The following MCF2L2 variants were observed in gnomAD, a reference collection of about 807,000 sequenced individuals.
MCF2L2 encodes the protein probable guanine nucleotide exchange factor MCF2L2.
MCF2L2 carries 102 observed loss-of-function variants against 150.2 expected under a neutral mutation model. The observed-to-expected ratio is 0.68, with a 90% CI of 0.58 to 0.80. MCF2L2 has a LOEUF of 0.80. MCF2L2 is among the 30% of genes least tolerant of loss of function. The pLI, the probability that MCF2L2 is intolerant of heterozygous loss-of-function variation, is 0.00. For missense variants in MCF2L2, 1,256 were observed against 1,372.8 expected (o/e 0.91, Z 1.34); for synonymous variants, 465 against 491.3 (o/e 0.95, Z 0.71).
intron 15 of MCF2L2, among the ~76,000 whole-genome samples, chr3:183,244,012 T>C (rs912963380): frequency 6.6e-6 from 1 of 151,988 alleles, no homozygotes; most frequent in East Asian, 1.9e-4. Context: ...TAGTCCCAGC[T>C]ACTCGGGAGG....
intron 3 of MCF2L2, among the ~76,000 whole-genome samples, chr3:183,367,955 T>C (rs1319751065): frequency 6.6e-6 from 1 of 152,214 alleles, no homozygotes; most frequent in African/African-American, 2.4e-5. Flanking sequence ...ATTATATCAT[T>C]TGAAAACTGC....
intron 15 of MCF2L2, chr3:183,271,395 A>G: frequency 6.0e-6 from 1 of 167,722 alleles, no homozygotes. Flanking sequence ...GGGAAAGGTC[A>G]GCATAGGAGA....
intron 21 of MCF2L2, among the ~76,000 whole-genome samples, chr3:183,217,773 A>C (rs1002505677): frequency 9.9e-5 from 15 of 152,182 alleles, no homozygotes; most frequent in Admixed American, 2.6e-4. Flanking sequence ...GATGCCAAAG[A>C]GATAAGCCAG....
chr3:183,350,180 T>A (rs753365910), intron 3 of MCF2L2, among the ~76,000 whole-genome samples: 15 of 152,132 alleles, frequency 9.9e-5, no homozygotes, highest in Non-Finnish European at 2.1e-4. Context: ...AAGAGCTGTG[T>A]CTCCTGACAT....
Position 183,227,320 on chromosome 3 carries a change from C to T in MCF2L2, c.2115+977G>A, listed in dbSNP as rs1276092387. On this transcript the variant is annotated intron_variant, in intron 18 of 29. Transcript: ENST00000328913. This position sits in a 1 kb window ranked among gnomAD's most constrained non-coding sequence, Gnocchi z 4.0. ...CATATAGCCTATTTGTTGCCTAAAA[C>T]AGGGTGGAGAAACAGGGAAAGAGGG... 1 of 151,974 alleles carries T rather than the reference C, an allele frequency of 6.6e-6. No homozygotes were observed. Among genetic ancestry groups the T allele is most frequent in the Non-Finnish European group, 1.5e-5 (1 of 68,016 alleles). 9.4% of individuals were successfully genotyped at this position (151,974 alleles called of 1,614,324 possible).
intron 2 of MCF2L2, among the ~76,000 whole-genome samples, chr3:183,382,870 T>C (rs1313472095): frequency 6.6e-6 from 1 of 152,188 alleles, no homozygotes; most frequent in Non-Finnish European, 1.5e-5. Flanking sequence ...CACAGGTGAA[T>C]TGAGAATACA....
intron 15 of MCF2L2, among the ~76,000 whole-genome samples, chr3:183,259,368 C>G (rs532783895): frequency 6.6e-6 from 1 of 152,184 alleles, no homozygotes; most frequent in Non-Finnish European, 1.5e-5. Context: ...CATTAAAGGG[C>G]TGGGTATGCA....
At chr3:183,308,272 C>CAT (rs1307607425) in intron 10 of MCF2L2, among the ~76,000 whole-genome samples, 4 of 152,048 alleles carry the variant, frequency 2.6e-5, no homozygotes, top group Non-Finnish European at 1.5e-5. Context: ...TAGCTACTTT[C>CAT]ATATATATAT....
intron 18 of MCF2L2, chr3:183,224,764 A>G (rs1723284164): frequency 6.6e-6 from 1 of 152,566 alleles, no homozygotes; most frequent in Non-Finnish European, 1.5e-5. Flanking sequence ...CGCCTCAAAC[A>G]TCACTTTCAA....
intron 27 of MCF2L2, 86 bp from the exon 28 acceptor site, chr3:183,180,245 T>C: frequency 1.2e-6 from 1 of 837,862 alleles, no homozygotes; most frequent in East Asian, 2.4e-5. Context: ...AGGCAGTGCC[T>C]GTTGCAGGCA....
Position 183,295,383 on chromosome 3 carries a change from G to A in MCF2L2, c.1592C>T (p.Thr531Ile), listed in dbSNP as rs374876253. The change falls in exon 13 of 30, where the codon ACT (threonine) becomes ATT (isoleucine). Residue 531 changes from threonine (T) to isoleucine (I), a missense_variant. Thr to Ile is a moderately conservative substitution (Grantham distance 89). Coordinates refer to ENST00000328913, the MANE Select transcript of MCF2L2 (RefSeq NM_015078.4). The stretch of plus-strand genomic sequence containing the variant: ...TGGGGCCACAGGTTGCACTGGACGA[G>A]TCTGTTTGGCTGCCAGTTTCATCAG... The part of the protein sequence containing the change: ...VSLMKLAAKQ[T>I]RPVQPVAPHP... The A allele has an allele frequency of 1.9e-6, 3 of 1,613,980 alleles. No homozygotes were observed. Among genetic ancestry groups the A allele is most frequent in the Non-Finnish European group, 2.5e-6 (3 of 1,180,000 alleles).
chr3:183,242,711 G>C (rs1340077860), intron 15 of MCF2L2, among the ~76,000 whole-genome samples: 1 of 152,218 alleles, frequency 6.6e-6, no homozygotes, highest in Non-Finnish European at 1.5e-5. Context: ...CCCACACAGA[G>C]TGCCCACTGG....
At chr3:183,425,942 C>T (rs897042105) in intron 1 of MCF2L2, among the ~76,000 whole-genome samples, 3 of 148,952 alleles carry the variant, frequency 2.0e-5, no homozygotes, top group Non-Finnish European at 4.4e-5. Context: ...GCAACAAGAG[C>T]GAAACTCCAT....
At chr3:183,353,572 G>A (rs889335636) in intron 3 of MCF2L2, among the ~76,000 whole-genome samples, 4 of 152,160 alleles carry the variant, frequency 2.6e-5, no homozygotes, top group Non-Finnish European at 4.4e-5. Flanking sequence ...GGGCAGGCAC[G>A]TCTTATCGTG....
At chr3:183,409,916 T>C (rs1306713569) in intron 1 of MCF2L2, among the ~76,000 whole-genome samples, 1 of 151,968 alleles carries the variant, frequency 6.6e-6, no homozygotes, top group East Asian at 1.9e-4. Flanking sequence ...TCTTAACTCC[T>C]AGAAAAGGAT....
chr3:183,224,966 C>T (rs903592808), intron 18 of MCF2L2: 8 of 152,302 alleles, frequency 5.3e-5, no homozygotes, highest in African/African-American at 1.9e-4. Context: ...CAGCTTCACT[C>T]GCTCTATCAG....
intron 12 of MCF2L2, 51 bp from the exon 13 acceptor site, chr3:183,295,528 T>G: frequency 1.3e-6 from 2 of 1,564,110 alleles, no homozygotes; most frequent in Non-Finnish European, 1.8e-6. Flanking sequence ...GTATACAGCC[T>G]GAGGACACGA....
intron 2 of MCF2L2, among the ~76,000 whole-genome samples, chr3:183,389,358 G>A (rs1714014604): frequency 6.6e-6 from 1 of 152,236 alleles, no homozygotes; most frequent in Non-Finnish European, 1.5e-5. Flanking sequence ...AATCTTGGAA[G>A]AACATCCAAA....
intron 14 of MCF2L2, among the ~76,000 whole-genome samples, chr3:183,278,162 C>T (rs373357329): frequency 5.5e-4 from 82 of 149,716 alleles, no homozygotes; most frequent in Non-Finnish European, 8.1e-4. Context: ...CCAGTCTGGG[C>T]GACACAGTGA....
Sources: gnomAD v4.1 joint callset for allele counts (sites outside exome capture counted in the v4.1 genomes callset) on GRCh38, gnomAD v4.1.1 for gene constraint, Gnocchi (gnomAD v3.1) non-coding constraint, MANE v1.5 for transcripts, NCBI Gene and HGNC (gene_info 2026-07-23, HGNC 2026-07-21) for gene names.